The following DUSP22 variants were observed in gnomAD, a reference collection of about 807,000 sequenced individuals.
DUSP22 encodes dual specificity protein phosphatase 22.
A neutral mutation model predicts 24.5 loss-of-function variants in DUSP22; 24 were observed. That is an observed-to-expected ratio of 0.98 (90% CI 0.71 to 1.38). The LOEUF (loss-of-function observed/expected upper bound fraction) is 1.38. DUSP22 is among the 40% of genes most tolerant of loss of function. The pLI is 0.00. For synonymous variants in DUSP22, 160 were observed against 106.4 expected (o/e 1.50, Z -3.10); for missense variants, 330 against 269.2 (o/e 1.23, Z -1.58).
In DUSP22 at chr6:335,152, A is replaced by G. The variant is rs375738870; in HGVS notation, c.177A>G (p.Pro59=). 11 of 1,613,754 alleles carry G rather than the reference A, an allele frequency of 6.8e-6. No homozygotes were observed. Among genetic ancestry groups the G allele is most frequent in the Middle Eastern group, 1.6e-4 (1 of 6,084 alleles). ...KYLCIPAADS[P]SQNLTRHFKE... ...TGTGCATCCCAGCAGCGGATTCACC[A>G]TCTCAAAACCTGTAAGTTTCTTATT... Residue 59 remains proline, a synonymous_variant, in exon 4 of 7, where the codon CCA becomes CCG. Transcript: ENST00000419235.
At chr6:308,903 T>A (rs1042359847) in intron 2 of DUSP22, among the ~76,000 whole-genome samples, 56 of 152,406 alleles carry the variant, frequency 3.7e-4, no homozygotes, top group African/African-American at 1.3e-3. Context: ...GTGGGTCAGA[T>A]GAGCTGGCGC....
intron 2 of DUSP22, among the ~76,000 whole-genome samples, chr6:308,550 G>T (rs917156270): frequency 6.6e-6 from 1 of 152,312 alleles, no homozygotes; most frequent in African/African-American, 2.4e-5. Context: ...GTGCTTCCCT[G>T]TGCTTTGGAG....
chr6:323,119 A>G (rs541935180), intron 3 of DUSP22, among the ~76,000 whole-genome samples: 2 of 152,422 alleles, frequency 1.3e-5, no homozygotes, highest in African/African-American at 2.4e-5. Context: ...GAGTGAAGCA[A>G]TAGCACCTAG....
intron 1 of DUSP22, among the ~76,000 whole-genome samples, chr6:304,135 C>T (rs147487926): frequency 2.5e-3 from 376 of 152,270 alleles, no homozygotes; most frequent in African/African-American, 4.4e-3. Flanking sequence ...CTGGTCATGC[C>T]CTCGCAGCAG....
chr6:338,174 T>A (rs1759447497), intron 4 of DUSP22: 1 of 152,368 alleles, frequency 6.6e-6, no homozygotes, highest in Non-Finnish European at 1.5e-5. Context: ...TAACAGCAAA[T>A]CTTGTGAATA....
At chr6:299,142 A>G (rs200211559) in intron 1 of DUSP22, among the ~76,000 whole-genome samples, 583 of 152,258 alleles carry the variant, frequency 3.8e-3, no homozygotes, top group Admixed American at 0.02. Context: ...AGTTGCCTTT[A>G]CAGGCTTTTT....
chr6:299,700 C>G (rs1429806197), intron 1 of DUSP22, among the ~76,000 whole-genome samples: 1 of 152,304 alleles, frequency 6.6e-6, no homozygotes, highest in Non-Finnish European at 1.5e-5. Flanking sequence ...ATGTAAAATA[C>G]TCATCTTCAA....
At chr6:305,599 T>G (rs1395697015) in intron 2 of DUSP22, among the ~76,000 whole-genome samples, 3 of 152,302 alleles carry the variant, frequency 2.0e-5, no homozygotes, top group Non-Finnish European at 2.9e-5. Flanking sequence ...TTGACTCTAT[T>G]TTCACTCAGC....
intron 4 of DUSP22, chr6:338,216 T>C (rs1239750261): frequency 1.3e-5 from 2 of 152,356 alleles, no homozygotes; most frequent in South Asian, 2.1e-4. Context: ...TGTCCATGAC[T>C]GTAAATATTG....
chr6:347,453 T>C (rs1464362301), intron 5 of DUSP22, among the ~76,000 whole-genome samples: 2 of 152,300 alleles, frequency 1.3e-5, no homozygotes, highest in Non-Finnish European at 2.9e-5. Context: ...GTGACCGCCT[T>C]CATTTGCATG....
chr6:311,852 A>G (rs1173860289), intron 2 of DUSP22, 28 bp from the exon 3 acceptor site: 23 of 1,603,446 alleles, frequency 1.4e-5, no homozygotes, highest in Non-Finnish European at 1.8e-5. Flanking sequence ...AAGATATCAA[A>G]ATGTCCATCC....
intron 1 of DUSP22, among the ~76,000 whole-genome samples, chr6:303,201 A>G (rs1757664067): frequency 1.3e-5 from 2 of 152,310 alleles, no homozygotes; most frequent in Non-Finnish European, 2.9e-5. Flanking sequence ...GCCAGAGAAC[A>G]TCAGTGGGAT....
chr6:346,633 A>C (rs1759892187), intron 5 of DUSP22, among the ~76,000 whole-genome samples: 1 of 152,304 alleles, frequency 6.6e-6, no homozygotes, highest in African/African-American at 2.4e-5. Context: ...GCCAAAATTC[A>C]GGAGCCAAGG....
chr6:349,143 G>C lies in DUSP22; in HGVS notation c.*192G>C, dbSNP rs1760045028. 1 of 1,435,744 alleles carries C rather than the reference G, an allele frequency of 7.0e-7. No homozygotes were observed. Among genetic ancestry groups the C allele is most frequent in the Non-Finnish European group, 9.1e-7 (1 of 1,100,978 alleles). 88.9% of individuals were successfully genotyped at this position (1,435,744 alleles called of 1,614,324 possible). On this transcript the variant is annotated 3_prime_UTR_variant, in exon 7 of 7. Coordinates refer to ENST00000419235, the MANE Select transcript of DUSP22 (RefSeq NM_001286555.3). ...CTGCACTCCGCCCACCCCTACCCTG[G>C]CTGCACCTGAGCTTGCTGCCCCTGG...
intron 3 of DUSP22, among the ~76,000 whole-genome samples, chr6:327,015 G>T (rs1022493465): frequency 3.3e-5 from 5 of 152,298 alleles, no homozygotes; most frequent in Non-Finnish European, 7.3e-5. Flanking sequence ...GGGGACTTCT[G>T]CTGCAGCTAC....
intron 2 of DUSP22, among the ~76,000 whole-genome samples, chr6:307,048 G>T (rs1297181387): frequency 6.6e-6 from 1 of 152,308 alleles, no homozygotes; most frequent in Non-Finnish European, 1.5e-5. Flanking sequence ...GTAGGCAGCT[G>T]GGTGGCATTG....
At chr6:332,374 A>T (rs1259048410) in intron 3 of DUSP22, among the ~76,000 whole-genome samples, 1 of 152,308 alleles carries the variant, frequency 6.6e-6, no homozygotes, top group Admixed American at 6.5e-5. Context: ...CATGGCCAAG[A>T]GCTGCCTCCT....
intron 2 of DUSP22, among the ~76,000 whole-genome samples, chr6:308,350 C>T (rs1426758120): frequency 5.9e-5 from 9 of 152,298 alleles, no homozygotes; most frequent in East Asian, 1.9e-4. Context: ...GATTGTAGGT[C>T]GCCTTCCAGG....
rs142889998 is a variant in DUSP22, at chr6:304,636, C to G, written c.30C>G (p.Pro10=). 3 of 1,614,130 alleles carry G rather than the reference C, an allele frequency of 1.9e-6. No homozygotes were observed. The East Asian group carries it at 6.7e-5, about 36-fold the overall frequency. Residue 10 remains proline (P), a synonymous_variant, in exon 2 of 7, where the codon CCC becomes CCG. Coordinates refer to ENST00000419235, the MANE Select transcript of DUSP22 (RefSeq NM_001286555.3). MGNGMNKIL[P]GLYIGNFKDA... ...GTCTGTCTCTCTCCTAGATCCTGCC[C>G]GGCCTGTACATCGGCAACTTCAAAG... is the stretch of plus-strand genomic sequence containing the variant.
Sources: gnomAD v4.1 joint callset for allele counts (sites outside exome capture counted in the v4.1 genomes callset) on GRCh38, gnomAD v4.1.1 for gene constraint, MANE v1.5 for transcripts, NCBI Gene and HGNC (gene_info 2026-07-23, HGNC 2026-07-21) for gene names.